The following RICTOR variants were observed in gnomAD, a reference collection of about 807,000 sequenced individuals.
The protein encoded by RICTOR is rapamycin-insensitive companion of mTOR.
RICTOR carries 49 observed loss-of-function variants against 214.9 expected under a neutral mutation model. The observed-to-expected ratio is 0.23, with a 90% CI of 0.18 to 0.29. The LOEUF (loss-of-function observed/expected upper bound fraction) is 0.29, where lower values mean the gene tolerates loss of function less well. Ranked by LOEUF, RICTOR falls within the 10% of genes least tolerant of loss-of-function variation. The probability of loss-of-function intolerance (pLI) is 1.00; values close to 1 mark genes in which losing one functional copy is unlikely to be tolerated. For missense variants in RICTOR, 1,625 were observed against 2,047.0 expected (o/e 0.79, Z 3.98); for synonymous variants, 717 against 711.3 (o/e 1.01, Z -0.13).
intron 37 of RICTOR, 138 bp downstream of exon 37, chr5:38,942,695 A>G (rs1747719595): frequency 3.1e-6 from 2 of 637,644 alleles, no homozygotes; most frequent in Admixed American, 2.8e-5. Context: ...GGCTCAAGCA[A>G]TTCTCCCGCG....
chr5:38,966,879 T>C, intron 14 of RICTOR, 158 bp from the exon 15 acceptor site: 1 of 593,460 alleles, frequency 1.7e-6, no homozygotes, highest in East Asian at 2.8e-5. Flanking sequence ...CAGCTCAGTA[T>C]AACCTCTGCC....
intron 2 of RICTOR, among the ~76,000 whole-genome samples, chr5:39,034,582 C>T (rs1445225801): frequency 6.6e-6 from 1 of 152,208 alleles, no homozygotes; most frequent in African/African-American, 2.4e-5. Context: ...AAAGGGGTGA[C>T]AGATGGCACC....
chr5:39,026,437 C>G (rs1015486440), intron 2 of RICTOR, among the ~76,000 whole-genome samples: 1 of 152,126 alleles, frequency 6.6e-6, no homozygotes, highest in African/African-American at 2.4e-5. Flanking sequence ...AAGCAAAATA[C>G]AAAAGAACTA....
intron 2 of RICTOR, among the ~76,000 whole-genome samples, chr5:39,026,694 T>C (rs760397444): frequency 6.6e-6 from 1 of 151,708 alleles, no homozygotes; most frequent in Non-Finnish European, 1.5e-5. Flanking sequence ...TGTGGTATTG[T>C]TTTTAATAGA....
At chr5:39,030,986 A>G (rs1053106044) in intron 2 of RICTOR, among the ~76,000 whole-genome samples, 1 of 152,190 alleles carries the variant, frequency 6.6e-6, no homozygotes, top group Non-Finnish European at 1.5e-5. Context: ...TGATATGCAT[A>G]TAACGGCTAT....
intron 2 of RICTOR, among the ~76,000 whole-genome samples, chr5:39,047,772 A>AT (rs1757592879): frequency 6.6e-6 from 1 of 152,156 alleles, no homozygotes; most frequent in Admixed American, 6.5e-5. Context: ...ATTCTCAGAG[A>AT]TTTTAGGTTT....
Position 38,952,357 on chromosome 5 carries a change from T to C in RICTOR, c.2966A>G (p.Asn989Ser), listed in dbSNP as rs147397604. 5.0e-5 allele frequency: 80 copies of C among 1,613,022 alleles called. No homozygotes were observed. The highest frequency in any genetic ancestry group is 3.7e-4 in the African/African-American group (28 of 74,960). Residue 989 changes from asparagine to serine, a missense_variant, in exon 30 of 38, where the codon AAC (asparagine) becomes AGC (serine). Around this residue, in one of 5 missense-constraint regions of RICTOR, gnomAD observed 1,214 missense variants for 1,470.5 expected, o/e 0.83. Transcript: ENST00000357387. ...GCGACTATGCCTCACAGCATCCCAG[T>C]TGTGACATTTTAGAATATCACAGCC... ...KQGCDILKCH[N>S]WDAVRHSRKH...
chr5:39,055,424 C>CCT (rs1758139198), intron 2 of RICTOR, among the ~76,000 whole-genome samples: 1 of 127,180 alleles, frequency 7.9e-6, no homozygotes. Flanking sequence ...AATTCCCCCC[C>CCT]CCCACTCTTT....
chr5:39,032,267 C>T (rs951842564), intron 2 of RICTOR, among the ~76,000 whole-genome samples: 17 of 152,048 alleles, frequency 1.1e-4, no homozygotes, highest in Admixed American at 1.0e-3. Flanking sequence ...TATTATCTTC[C>T]GTTTACATAC....
intron 6 of RICTOR, among the ~76,000 whole-genome samples, chr5:38,991,470 C>A (rs1242568118): frequency 6.6e-6 from 1 of 152,030 alleles, no homozygotes; most frequent in Non-Finnish European, 1.5e-5. Context: ...TCTCCATATA[C>A]CATCATCACC....
At chr5:38,962,634 A>G (rs531166953) in intron 17 of RICTOR, 48 bp from the exon 18 acceptor site, 3 of 1,065,868 alleles carry the variant, frequency 2.8e-6, no homozygotes, top group Middle Eastern at 2.1e-4. Flanking sequence ...AACTGTCCTC[A>G]TATCAGAAAA....
At chr5:39,063,754 T>C (rs1332230789) in intron 2 of RICTOR, among the ~76,000 whole-genome samples, 1 of 151,880 alleles carries the variant, frequency 6.6e-6, no homozygotes, top group East Asian at 1.9e-4. Flanking sequence ...ATATAATATA[T>C]ATATAATTAA....
intron 5 of RICTOR, among the ~76,000 whole-genome samples, chr5:39,002,211 G>A (rs1455108747): frequency 6.9e-6 from 1 of 145,106 alleles, no homozygotes; most frequent in Non-Finnish European, 1.5e-5. Context: ...GAATCTCAAA[G>A]ATAATAATGA....
chr5:38,955,038 C>T, intron 26 of RICTOR, 177 bp from the exon 27 acceptor site: 1 of 442,358 alleles, frequency 2.3e-6, no homozygotes. Flanking sequence ...CTGGGCTTCC[C>T]TAATCCAAAA....
In RICTOR at chr5:38,959,249, G is replaced by A; in HGVS notation, c.2124C>T (p.Ser708=). ...GGATGACTCTAGCCAATCCATCTCTGCTATAGTCCAAGCTAGAAACAGTAA... is the reference window on the plus strand; with the variant it reads ...GGATGACTCTAGCCAATCCATCTCTACTATAGTCCAAGCTAGAAACAGTAA... ...LKLTVSSLDY[S]RDGLARVILS... Residue 708 remains serine, a synonymous_variant, in exon 22 of 38, where the codon AGC becomes AGT. Transcript: ENST00000357387. 1 of 1,602,956 alleles carries A rather than the reference G, an allele frequency of 6.2e-7. No homozygotes were observed. The highest frequency in any genetic ancestry group is 1.1e-5 in the South Asian group (1 of 89,128).
chr5:39,027,671 A>C lies in RICTOR; in HGVS notation c.98-6535T>G, dbSNP rs78862528. Among the ~76,000 whole-genome samples the C allele has an allele frequency of 6.9e-3, 1,055 of 152,254 alleles. 52 individuals are homozygous for C. The East Asian group carries it at 0.12, about 17-fold the overall frequency. ...ACATTATTTTGTAGACATTTTGAAA[A>C]ATAAAAAAGCCAAAGAAAATGTTAA... On this transcript the variant is annotated intron_variant, in intron 2 of 37. Transcript: ENST00000357387.
intron 2 of RICTOR, among the ~76,000 whole-genome samples, chr5:39,058,829 C>A (rs1428266444): frequency 2.0e-5 from 3 of 151,950 alleles, no homozygotes; most frequent in Non-Finnish European, 4.4e-5. Flanking sequence ...GATTACAATT[C>A]TAATTTTTTC....
rs540326156 is a variant in RICTOR, at chr5:39,050,497, C to T, written c.97+23614G>A. On this transcript the variant is annotated intron_variant, in intron 2 of 37. Coordinates refer to ENST00000357387, the MANE Select transcript of RICTOR (RefSeq NM_152756.5). ...GACTACAGGTGCACACTGCCACACC[C>T]GGCTAATTTTTTGTATTTTTGTAGG... is the stretch of plus-strand genomic sequence containing the variant. 2.0e-5 allele frequency among the ~76,000 whole-genome samples: 3 copies of T among 152,104 alleles called. No individual in the cohort carries two copies. In the South Asian group the frequency reaches 6.2e-4, roughly 32 times the overall value.
rs779241313 is a variant in RICTOR at position 38,959,177 on chromosome 5, T to C, written c.2178+18A>G. ...TAATTGGTTATAAATATAGTTTTAC[T>C]GGCTATGTTATACTCACATCAGTAG... On this transcript the variant is annotated intron_variant, in intron 22 of 37. Coordinates refer to ENST00000357387, the MANE Select transcript of RICTOR (RefSeq NM_152756.5). 4.5e-6 allele frequency: 7 copies of C among 1,541,934 alleles called. No individual in the cohort carries two copies. The Admixed American group carries it at 1.3e-4, about 28-fold the overall frequency.
Sources: allele counts gnomAD v4.1 joint callset (sites outside exome capture counted in the v4.1 genomes callset), GRCh38; gene constraint gnomAD v4.1.1; regional missense constraint gnomAD v4.1.1; transcripts MANE v1.5; gene names NCBI Gene and HGNC (gene_info 2026-07-23, HGNC 2026-07-21).